Variants in KATNIP observed in about 807,000 individuals in gnomAD.
The protein encoded by KATNIP is katanin interacting protein, also known as katanin-interacting protein.
Under a neutral mutation model 174.0 loss-of-function variants are expected in KATNIP, and 126 were observed. The ratio of observed to expected loss-of-function variants is 0.72; its 90% CI spans 0.63 to 0.84. KATNIP has a LOEUF of 0.84. KATNIP is among the 40% of genes least tolerant of loss of function. The pLI is 0.00. For synonymous variants in KATNIP, 810 were observed against 835.7 expected (o/e 0.97, Z 0.53); for missense variants, 1,958 against 2,109.7 (o/e 0.93, Z 1.41).
intron 1 of KATNIP, among the ~76,000 whole-genome samples, chr16:27,551,554 G>GA (rs1169528255): frequency 1.3e-5 from 2 of 152,142 alleles, no homozygotes; most frequent in African/African-American, 4.8e-5. Context: ...TTTAAACTGG[G>GA]AAAATCTTAA....
chr16:27,774,765 C>T (rs1025640549), intron 23 of KATNIP, among the ~76,000 whole-genome samples, 180 bp from the exon 24 acceptor site: 1 of 152,154 alleles, frequency 6.6e-6, no homozygotes, highest in South Asian at 2.1e-4. Flanking sequence ...CACCTGCTCC[C>T]CTTGGGCCCG....
chr16:27,632,460 C>T lies in KATNIP; in HGVS notation c.408+1298C>T, dbSNP rs74792173. 72 of 377,428 alleles carry T rather than the reference C, an allele frequency of 1.9e-4. No individual in the cohort carries two copies. The East Asian group carries it at 5.4e-3, about 28-fold the overall frequency. The allele number at this position is 377,428 out of a possible 1,614,324, so 23.4% of individuals were successfully genotyped here. A position where few individuals can be genotyped will look rare whatever the true frequency, so the allele number is the denominator to read the frequency against. On this transcript the variant is annotated intron_variant, in intron 5 of 27. Transcript: ENST00000261588. ...GCATGTGCAGTTGAGCTTCATGCCT[C>T]TCCATGGATCCCATCGTCAAAAAAT... is the stretch of plus-strand genomic sequence containing the variant.
chr16:27,558,393 C>T (rs1326993610), intron 1 of KATNIP, among the ~76,000 whole-genome samples: 3 of 152,164 alleles, frequency 2.0e-5, no homozygotes, highest in Non-Finnish European at 4.4e-5. Flanking sequence ...GATCTGCCTG[C>T]CTTGGCCTCC....
chr16:27,590,790 G>A (rs1368190664), intron 2 of KATNIP, among the ~76,000 whole-genome samples: 5 of 152,104 alleles, frequency 3.3e-5, no homozygotes, highest in East Asian at 1.9e-4. Context: ...CACCTTTTGC[G>A]GCTGTCCTTC....
At chr16:27,730,840 T>G (rs1320993457) in intron 14 of KATNIP, among the ~76,000 whole-genome samples, 1 of 152,262 alleles carries the variant, frequency 6.6e-6, no homozygotes, top group Non-Finnish European at 1.5e-5. Context: ...TGTTCGGTTT[T>G]GGTCCTCACA....
At chr16:27,670,240 C>T (rs2077846444) in intron 6 of KATNIP, among the ~76,000 whole-genome samples, 1 of 152,164 alleles carries the variant, frequency 6.6e-6, no homozygotes, top group Non-Finnish European at 1.5e-5. Flanking sequence ...TTAGGCCACC[C>T]ACATTGCCTG....
intron 2 of KATNIP, among the ~76,000 whole-genome samples, chr16:27,609,984 G>A (rs151099065): frequency 2.3e-3 from 352 of 152,324 alleles, no homozygotes; most frequent in Admixed American, 3.8e-3. Flanking sequence ...TGGGGCCTGA[G>A]GTGGGAGCTT....
intron 6 of KATNIP, among the ~76,000 whole-genome samples, chr16:27,663,807 C>T (rs923994821): frequency 2.6e-5 from 4 of 151,248 alleles, no homozygotes. Context: ...TTTTTCCCCT[C>T]CTATATGTTT....
Position 27,777,003 on chromosome 16 carries a change from C to T in KATNIP, c.4525C>T (p.Pro1509Ser). The change falls in exon 25 of 28, where the codon CCC becomes TCC. Residue 1509 changes from proline to serine, a missense_variant. Pro to Ser is a moderately conservative substitution (Grantham distance 74). Around this residue, in one of 3 missense-constraint regions of KATNIP, gnomAD observed 383 missense variants for 456.0 expected, o/e 0.84. Coordinates refer to ENST00000261588, the MANE Select transcript of KATNIP (RefSeq NM_015202.5). This position sits in a 1 kb window ranked among gnomAD's most constrained non-coding sequence, Gnocchi z 4.4. ...CAAACTGTGGAATTATGCGAAAACA[C>T]CCCATCGAGGGGTGAAGGAGTTTGG... The part of the protein sequence containing the change: ...MIKLWNYAKT[P>S]HRGVKEFGLL... 1.9e-6 allele frequency: 3 copies of T among 1,612,874 alleles called. No homozygotes were observed. The highest frequency in any genetic ancestry group is 1.3e-5 in the African/African-American group (1 of 75,030).
At chr16:27,715,359 T>A (rs1276704733) in intron 13 of KATNIP, among the ~76,000 whole-genome samples, 1 of 152,242 alleles carries the variant, frequency 6.6e-6, no homozygotes, top group Non-Finnish European at 1.5e-5. Flanking sequence ...GGTGTAAATC[T>A]TGATAGCCTT....
At chr16:27,574,067 C>A in intron 2 of KATNIP, 111 bp downstream of exon 2, 1 of 925,120 alleles carries the variant, frequency 1.1e-6, no homozygotes, top group African/African-American at 1.6e-5. Flanking sequence ...CTTGGGGTCC[C>A]AAGCTTGAAT....
intron 13 of KATNIP, 68 bp from the exon 14 acceptor site, chr16:27,721,490 G>T: frequency 1.3e-6 from 2 of 1,588,748 alleles, no homozygotes; most frequent in South Asian, 1.1e-5. Context: ...CCAAAGAGCC[G>T]CTGCCATTTT....
At chr16:27,696,302 TA>T (rs2078909482) in intron 8 of KATNIP, among the ~76,000 whole-genome samples, 1 of 152,254 alleles carries the variant, frequency 6.6e-6, no homozygotes, top group African/African-American at 2.4e-5. Flanking sequence ...GTTAATTTTT[TA>T]AATAAGTTTT....
rs746031332 is a variant in KATNIP at position 27,751,795 on chromosome 16, G to C, written c.3423G>C (p.Glu1141Asp). ...DILEAIFYSD[E>D]MFDLDVGSLD... Reference sequence around the variant, plus strand: ...TCGAGGCCATATTCTATTCTGATGAGATGTTTGACCTGGATGTGGGGAGCC... The same window carrying C: ...TCGAGGCCATATTCTATTCTGATGACATGTTTGACCTGGATGTGGGGAGCC... The change falls in exon 17 of 28, where the codon GAG becomes GAC. Residue 1141 changes from glutamate (E) to aspartate (D), a missense_variant. Around this residue, in one of 3 missense-constraint regions of KATNIP, gnomAD observed 1,557 missense variants for 1,617.8 expected, o/e 0.96. Coordinates refer to ENST00000261588, the MANE Select transcript of KATNIP (RefSeq NM_015202.5). 3.1e-6 allele frequency: 5 copies of C among 1,614,132 alleles called. No individual in the cohort carries two copies. Among genetic ancestry groups the C allele is most frequent in the Non-Finnish European group, 4.2e-6 (5 of 1,180,058 alleles).
At chr16:27,763,179 G>A (rs2082008594) in intron 19 of KATNIP, among the ~76,000 whole-genome samples, 1 of 151,648 alleles carries the variant, frequency 6.6e-6, no homozygotes, top group Admixed American at 6.6e-5. Context: ...GCCAGGCACT[G>A]TGGCACATGT....
rs2081076356 is a variant in KATNIP, at chr16:27,740,809, T to C, written c.2512T>C (p.Ser838Pro). ...AACCACCAAAGTCCACAGTGATGAC[T>C]CAGACATCTTTAACCAGCCCCCCAA... The part of the protein sequence containing the change: ...RATTKVHSDD[S>P]DIFNQPPNRE... Residue 838 changes from serine (S) to proline (P), a missense_variant, in exon 15 of 28, where the codon TCA becomes CCA. This residue lies in a region of KATNIP where 1,557 missense variants were observed against 1,617.8 expected (regional missense o/e 0.96). Coordinates refer to ENST00000261588, the MANE Select transcript of KATNIP (RefSeq NM_015202.5). 1 of 1,613,912 alleles carries C rather than the reference T, an allele frequency of 6.2e-7. No homozygotes were observed. The highest frequency in any genetic ancestry group is 1.3e-5 in the African/African-American group (1 of 74,910).
At chr16:27,616,191 G>A (rs555601154) in intron 2 of KATNIP, among the ~76,000 whole-genome samples, 27 of 152,152 alleles carry the variant, frequency 1.8e-4, no homozygotes, top group Admixed American at 6.5e-4. Context: ...GGCCAACATG[G>A]TAAAACCCTG....
intron 3 of KATNIP, among the ~76,000 whole-genome samples, chr16:27,621,124 T>A (rs1482096361): frequency 6.6e-6 from 1 of 151,952 alleles, no homozygotes; most frequent in Admixed American, 6.6e-5. Flanking sequence ...ATATTTTTTT[T>A]AAATAGCCAG....
At chr16:27,727,180 A>ATGTTTGTTTGTT (rs537764418) in intron 14 of KATNIP, 1 of 191,374 alleles carries the variant, frequency 5.2e-6, no homozygotes, top group African/African-American at 2.4e-5. Flanking sequence ...CTGATGGAGG[A>ATGTTTGTTTGTT]TGTTTGTTTG....
Sources: gnomAD v4.1 joint callset for allele counts (sites outside exome capture counted in the v4.1 genomes callset) on GRCh38, gnomAD v4.1.1 for gene constraint, gnomAD v4.1.1 regional missense constraint, Gnocchi (gnomAD v3.1) non-coding constraint, MANE v1.5 for transcripts, NCBI Gene and HGNC (gene_info 2026-07-23, HGNC 2026-07-21) for gene names.